The following CRTAC1 variants were observed in gnomAD, a reference collection of about 807,000 sequenced individuals.
CRTAC1 encodes cartilage acidic protein 1.
A neutral mutation model predicts 67.8 loss-of-function variants in CRTAC1; 37 were observed. That is an observed-to-expected ratio of 0.55 (90% CI 0.42 to 0.72). The LOEUF (loss-of-function observed/expected upper bound fraction) is 0.72, where lower values mean the gene tolerates loss of function less well. Among genes scored for constraint, CRTAC1 ranks in the 30% least tolerant of loss-of-function variants. The probability of loss-of-function intolerance (pLI) is 0.00; values close to 1 mark genes in which losing one functional copy is unlikely to be tolerated. For missense variants in CRTAC1, 780 were observed against 931.6 expected (o/e 0.84, Z 2.12); for synonymous variants, 348 against 371.0 (o/e 0.94, Z 0.71).
intron 11 of CRTAC1, among the ~76,000 whole-genome samples, chr10:97,891,140 A>C (rs566986873): frequency 9.3e-4 from 142 of 152,372 alleles, no homozygotes; most frequent in African/African-American, 3.1e-3. Context: ...TAGTCACTAA[A>C]TGAATCAAAT....
intron 5 of CRTAC1, among the ~76,000 whole-genome samples, chr10:97,916,155 C>T (rs147535787): frequency 6.6e-6 from 1 of 151,288 alleles, no homozygotes; most frequent in Non-Finnish European, 1.5e-5. Context: ...CTTCATCCCC[C>T]CAGTGCACCC....
At chr10:97,994,428 G>A (rs961089820) in intron 2 of CRTAC1, among the ~76,000 whole-genome samples, 1 of 152,160 alleles carries the variant, frequency 6.6e-6, no homozygotes, top group Non-Finnish European at 1.5e-5. Flanking sequence ...TAAGCCATAA[G>A]TTTTGGCATT....
intron 2 of CRTAC1, among the ~76,000 whole-genome samples, chr10:97,947,981 C>T (rs890951562): frequency 6.6e-6 from 1 of 151,950 alleles, no homozygotes; most frequent in Non-Finnish European, 1.5e-5. Context: ...GCAGGGTATA[C>T]TGTTATGTCA....
At position 97,936,263 on chromosome 10, in the gene CRTAC1, G is replaced by T; in HGVS notation, c.328C>A (p.Arg110=). The change falls in exon 3 of 15, where the codon CGG becomes AGG. Residue 110 remains arginine (R), a synonymous_variant. Transcript: ENST00000370597. ...GTGACCCCGATGGCGTTCCCCTGCC[G>T]GTCCCGCAGCGCGTAGTAGGGTGAG... ...RSSPYYALRD[R]QGNAIGVTAC... is the part of the protein sequence containing the mutation. 1 of 1,614,138 alleles carries T rather than the reference G, an allele frequency of 6.2e-7. No individual in the cohort carries two copies. The highest frequency in any genetic ancestry group is 8.5e-7 in the Non-Finnish European group (1 of 1,179,990).
intron 2 of CRTAC1, among the ~76,000 whole-genome samples, chr10:97,997,451 C>CAAAAAAA (rs746635057): frequency 2.1e-5 from 1 of 48,234 alleles, no homozygotes; most frequent in African/African-American, 7.7e-5. Flanking sequence ...GACTCTGTCT[C>CAAAAAAA]AAAAAAAAAA....
intron 13 of CRTAC1, among the ~76,000 whole-genome samples, chr10:97,882,119 A>G (rs1404317094): frequency 1.3e-5 from 2 of 152,138 alleles, no homozygotes; most frequent in African/African-American, 4.8e-5. Context: ...TAGACTTGGG[A>G]AGAATGCTGG....
At chr10:97,987,691 A>G (rs506440) in intron 2 of CRTAC1, among the ~76,000 whole-genome samples, 12,859 of 152,290 alleles carry the variant, frequency 0.084, 711 homozygotes, top group South Asian at 0.16. Flanking sequence ...TGTCTCTCCC[A>G]TTAGAATGTC....
At chr10:98,010,878 C>T (rs1054522234) in intron 2 of CRTAC1, among the ~76,000 whole-genome samples, 2 of 152,172 alleles carry the variant, frequency 1.3e-5, no homozygotes, top group Non-Finnish European at 2.9e-5. Context: ...TTCCAGTTTT[C>T]TCCCTGAAAA....
intron 14 of CRTAC1, chr10:97,868,029 C>T (rs1189003950): frequency 6.6e-6 from 1 of 152,240 alleles, no homozygotes; most frequent in African/African-American, 2.4e-5. Context: ...TTCTTGAGCT[C>T]TTCCCCTGGG....
intron 2 of CRTAC1, among the ~76,000 whole-genome samples, chr10:98,002,026 C>A (rs1239917909): frequency 6.6e-6 from 1 of 152,226 alleles, no homozygotes; most frequent in East Asian, 1.9e-4. Context: ...TGGTGCAAGG[C>A]CAGGGAGGGT....
chr10:97,886,157 G>C (rs761822673), intron 11 of CRTAC1, among the ~76,000 whole-genome samples: 14 of 152,180 alleles, frequency 9.2e-5, no homozygotes, highest in Admixed American at 3.3e-4. Context: ...GCCGGGTGCT[G>C]GGGGGAGGAC....
intron 2 of CRTAC1, among the ~76,000 whole-genome samples, chr10:97,962,043 C>T (rs190634953): frequency 2.0e-5 from 3 of 152,266 alleles, no homozygotes; most frequent in East Asian, 1.9e-4. Flanking sequence ...TTCAGAAAGC[C>T]GTGGAACATC....
At chr10:98,002,653 C>T (rs1590281394) in intron 2 of CRTAC1, among the ~76,000 whole-genome samples, 1 of 152,134 alleles carries the variant, frequency 6.6e-6, no homozygotes, top group South Asian at 2.1e-4. Context: ...CTCTCTCCAC[C>T]TCCAGCCACT....
At chr10:97,907,387 G>A (rs2050627720) in intron 6 of CRTAC1, among the ~76,000 whole-genome samples, 1 of 151,856 alleles carries the variant, frequency 6.6e-6, no homozygotes. Flanking sequence ...CAGAGGCCAT[G>A]GCAAGTGCAA....
intron 2 of CRTAC1, among the ~76,000 whole-genome samples, chr10:97,989,270 TC>T (rs1374108549): frequency 6.6e-6 from 1 of 151,830 alleles, no homozygotes; most frequent in African/African-American, 2.4e-5. Flanking sequence ...TCTCTCTCTC[TC>T]CCCCCACCCA....
intron 8 of CRTAC1, 56 bp from the exon 9 acceptor site, chr10:97,897,047 A>G: frequency 7.8e-7 from 1 of 1,289,630 alleles, no homozygotes; most frequent in Non-Finnish European, 1.1e-6. Context: ...GCTGGACCAG[A>G]AGGCCCACCT....
At chr10:98,014,610 C>T (rs1025755315) in intron 1 of CRTAC1, among the ~76,000 whole-genome samples, 1 of 152,072 alleles carries the variant, frequency 6.6e-6, no homozygotes, top group African/African-American at 2.4e-5. Flanking sequence ...TCCTACAACT[C>T]AACAACAAAA....
intron 2 of CRTAC1, among the ~76,000 whole-genome samples, chr10:97,985,418 C>T (rs1381367655): frequency 6.6e-6 from 1 of 152,158 alleles, no homozygotes; most frequent in African/African-American, 2.4e-5. Flanking sequence ...GCTGCTCCAT[C>T]TTCTCCAGAT....
At chr10:97,905,396 C>T (rs2050598168) in intron 6 of CRTAC1, among the ~76,000 whole-genome samples, 1 of 152,142 alleles carries the variant, frequency 6.6e-6, no homozygotes, top group African/African-American at 2.4e-5. Flanking sequence ...TTACCCAGCT[C>T]CTGGTTATTC....
Sources: allele counts gnomAD v4.1 joint callset (sites outside exome capture counted in the v4.1 genomes callset), GRCh38; gene constraint gnomAD v4.1.1; transcripts MANE v1.5; gene names NCBI Gene and HGNC (gene_info 2026-07-23, HGNC 2026-07-21).